Variants in FAF1 observed in about 807,000 individuals in gnomAD.
FAF1 encodes the protein Fas associated factor 1.
FAF1 carries 25 observed loss-of-function variants against 92.5 expected under a neutral mutation model. The observed-to-expected ratio is 0.27, with a 90% CI of 0.20 to 0.38. FAF1 has a LOEUF of 0.38. Ranked by LOEUF, FAF1 falls within the 10% of genes least tolerant of loss-of-function variation. The probability of loss-of-function intolerance (pLI) is 1.00; values close to 1 mark genes in which losing one functional copy is unlikely to be tolerated. For synonymous variants in FAF1, 234 were observed against 273.2 expected, an observed-to-expected ratio of 0.86 and a Z score of 1.42; for missense variants, 636 against 793.3, an observed-to-expected ratio of 0.80 and a Z score of 2.38.
chr1:50,903,786 GA>G (rs1157445739), intron 1 of FAF1, among the ~76,000 whole-genome samples: 1 of 152,152 alleles, frequency 6.6e-6, no homozygotes, highest in Non-Finnish European at 1.5e-5. Context: ...CCCTTAACAA[GA>G]AATTAGGGAA....
intron 1 of FAF1, among the ~76,000 whole-genome samples, chr1:50,866,286 A>G (rs926695653): frequency 6.6e-6 from 1 of 152,146 alleles, no homozygotes; most frequent in African/African-American, 2.4e-5. Context: ...GAACAAGATA[A>G]GGATGCCCAC....
chr1:50,912,724 G>C (rs2124724020), intron 1 of FAF1, among the ~76,000 whole-genome samples: 1 of 152,218 alleles, frequency 6.6e-6, no homozygotes, highest in Non-Finnish European at 1.5e-5. Flanking sequence ...GCTTATAAAT[G>C]CCAGTGCCAC....
chr1:50,795,040 C>T (rs1439160690), intron 3 of FAF1, among the ~76,000 whole-genome samples: 1 of 152,076 alleles, frequency 6.6e-6, no homozygotes, highest in Non-Finnish European at 1.5e-5. Flanking sequence ...AGCTTTTTTT[C>T]CCTTGCTACT....
At chr1:50,515,418 T>C in intron 15 of FAF1, among the ~76,000 whole-genome samples, 1 of 152,140 alleles carries the variant, frequency 6.6e-6, no homozygotes, top group East Asian at 1.9e-4. Flanking sequence ...AAATCACTTG[T>C]TATACAGGAA....
At chr1:50,509,187 G>A (rs1241732569) in intron 15 of FAF1, among the ~76,000 whole-genome samples, 2 of 152,184 alleles carry the variant, frequency 1.3e-5, no homozygotes, top group Non-Finnish European at 2.9e-5. Flanking sequence ...AGAATGAAGT[G>A]CTGATACTTT....
intron 1 of FAF1, among the ~76,000 whole-genome samples, chr1:50,875,615 A>G (rs1454350467): frequency 1.3e-5 from 2 of 151,866 alleles, no homozygotes; most frequent in Non-Finnish European, 2.9e-5. Flanking sequence ...ACCATGCCCA[A>G]CTAATTTTTG....
At chr1:50,448,079 C>T (rs1282776585) in intron 18 of FAF1, among the ~76,000 whole-genome samples, 1 of 152,240 alleles carries the variant, frequency 6.6e-6, no homozygotes, top group Non-Finnish European at 1.5e-5. Flanking sequence ...ATTCAAATCT[C>T]TTAGCCAAGT....
intron 8 of FAF1, among the ~76,000 whole-genome samples, chr1:50,617,631 T>C (rs1652983533): frequency 2.6e-5 from 4 of 151,930 alleles, no homozygotes; most frequent in Admixed American, 2.6e-4. Flanking sequence ...CTCTGCCAGA[T>C]TATAGTATTA....
At chr1:50,955,020 A>T (rs1645254375) in intron 1 of FAF1, among the ~76,000 whole-genome samples, 1 of 152,174 alleles carries the variant, frequency 6.6e-6, no homozygotes, top group Non-Finnish European at 1.5e-5. Flanking sequence ...GAAAGAGGTT[A>T]AGGAGGAGAA....
At chr1:50,863,404 C>A (rs1485114040) in intron 1 of FAF1, among the ~76,000 whole-genome samples, 1 of 151,724 alleles carries the variant, frequency 6.6e-6, no homozygotes, top group Non-Finnish European at 1.5e-5. Flanking sequence ...ATGCCTAGAT[C>A]AAAAAGTCTC....
At chr1:50,864,735 C>T (rs989699016) in intron 1 of FAF1, among the ~76,000 whole-genome samples, 34 of 152,222 alleles carry the variant, frequency 2.2e-4, no homozygotes, top group African/African-American at 8.2e-4. Flanking sequence ...ACCATAAAAA[C>T]CCTAGAAGAA....
intron 1 of FAF1, among the ~76,000 whole-genome samples, chr1:50,907,663 T>G (rs1426220301): frequency 3.3e-5 from 5 of 152,220 alleles, no homozygotes; most frequent in Admixed American, 1.3e-4. Context: ...TAGTTTTTTT[T>G]CATAGAGTTG....
At chr1:50,531,268 G>C (rs1287735121) in intron 15 of FAF1, among the ~76,000 whole-genome samples, 7 of 152,176 alleles carry the variant, frequency 4.6e-5, no homozygotes, top group Admixed American at 4.6e-4. Flanking sequence ...GTTAATCAGA[G>C]AGGTAAGCCT....
intron 7 of FAF1, among the ~76,000 whole-genome samples, chr1:50,678,077 A>C (rs1656214904): frequency 6.6e-6 from 1 of 152,122 alleles, no homozygotes; most frequent in Non-Finnish European, 1.5e-5. Flanking sequence ...TATGCTTGGC[A>C]CTGACACTAA....
chr1:50,551,813 G>C (rs1262246592), intron 13 of FAF1, among the ~76,000 whole-genome samples: 1 of 152,168 alleles, frequency 6.6e-6, no homozygotes, highest in Non-Finnish European at 1.5e-5. Flanking sequence ...ACCAAATTGA[G>C]AGTAGTCTCA....
chr1:50,548,243 C>CA (rs1214241208), intron 13 of FAF1, among the ~76,000 whole-genome samples: 1 of 152,120 alleles, frequency 6.6e-6, no homozygotes, highest in Non-Finnish European at 1.5e-5. Context: ...TCAAGGCCCC[C>CA]AAACAGTAAA....
intron 4 of FAF1, among the ~76,000 whole-genome samples, chr1:50,786,720 G>A (rs1395410872): frequency 6.6e-6 from 1 of 152,116 alleles, no homozygotes; most frequent in Non-Finnish European, 1.5e-5. Context: ...AGACCTATTT[G>A]GTAAACTGAA....
intron 4 of FAF1, among the ~76,000 whole-genome samples, chr1:50,770,010 C>A (rs932538738): frequency 5.9e-5 from 9 of 152,106 alleles, no homozygotes; most frequent in Admixed American, 3.9e-4. Context: ...GAGATCACGC[C>A]ACTGCACTCC....
intron 8 of FAF1, among the ~76,000 whole-genome samples, chr1:50,634,074 G>T (rs1241874059): frequency 6.6e-6 from 1 of 152,046 alleles, no homozygotes; most frequent in Non-Finnish European, 1.5e-5. Flanking sequence ...ATTAAACAAT[G>T]TCATGATGCG....
Sources: gnomAD v4.1 joint callset for allele counts (sites outside exome capture counted in the v4.1 genomes callset) on GRCh38, gnomAD v4.1.1 for gene constraint, MANE v1.5 for transcripts, NCBI Gene and HGNC (gene_info 2026-07-23, HGNC 2026-07-21) for gene names.